Variants in CD302 observed in about 807,000 individuals in gnomAD.
The protein encoded by CD302 is CD302 antigen.
Under a neutral mutation model 26.5 loss-of-function variants are expected in CD302, and 23 were observed. The ratio of observed to expected loss-of-function variants is 0.87; its 90% CI spans 0.62 to 1.23. The LOEUF is 1.23. Among genes scored for constraint, CD302 ranks in the 50% most tolerant of loss-of-function variants. The pLI, the probability that CD302 is intolerant of heterozygous loss-of-function variation, is 0.00. For synonymous variants in CD302, 90 were observed against 99.4 expected, an observed-to-expected ratio of 0.91 and a Z score of 0.56; for missense variants, 290 against 275.5, an observed-to-expected ratio of 1.05 and a Z score of -0.37.
chr2:159,772,745 C>A (rs1315761707), intron 5 of CD302, among the ~76,000 whole-genome samples: 3 of 152,134 alleles, frequency 2.0e-5, no homozygotes, highest in Admixed American at 6.5e-5. Context: ...ATTATTTTGA[C>A]AGATTTTTTA....
At chr2:159,774,929 A>G (rs1027889659) in intron 5 of CD302, among the ~76,000 whole-genome samples, 6 of 152,136 alleles carry the variant, frequency 3.9e-5, no homozygotes, top group African/African-American at 1.4e-4. Context: ...TTTACTCCTT[A>G]AAGTCAGACT....
At chr2:159,779,725 T>C (rs1708451101) in intron 4 of CD302, among the ~76,000 whole-genome samples, 1 of 151,920 alleles carries the variant, frequency 6.6e-6, no homozygotes, top group Non-Finnish European at 1.5e-5. Context: ...CACCTCAGGC[T>C]CCCATGTATT....
intron 5 of CD302, among the ~76,000 whole-genome samples, chr2:159,776,383 TAA>T (rs1302043293): frequency 6.6e-6 from 1 of 152,164 alleles, no homozygotes; most frequent in Non-Finnish European, 1.5e-5. Flanking sequence ...GTACGGATAT[TAA>T]AGAGTCCTTG....
chr2:159,782,411 TCACAAAAAAAAAAAA>T (rs1268080830), intron 2 of CD302, among the ~76,000 whole-genome samples: 2 of 41,316 alleles, frequency 4.8e-5, no homozygotes, highest in East Asian at 5.7e-4. Context: ...AGACTCCATC[TCACAAAAAAAAAAAA>T]AAAAAAAAAA....
chr2:159,770,889 C>CTTTA lies in CD302; in HGVS notation c.*958_*961dup, dbSNP rs1043208116. On this transcript the variant is annotated 3_prime_UTR_variant, in exon 6 of 6. Transcript: ENST00000259053. The stretch of plus-strand genomic sequence containing the variant: ...CTAATTTACGTGAAATTTATACATT[C>CTTTA]TTTATCTTTCCTGTTTTTGGTTTAT... 1 of 152,072 alleles carries CTTTA rather than the reference C, an allele frequency of 6.6e-6. No homozygotes were observed. 9.4% of individuals were successfully genotyped at this position (152,072 alleles called of 1,614,324 possible).
intron 4 of CD302, among the ~76,000 whole-genome samples, chr2:159,778,370 A>T (rs1708402036): frequency 6.6e-6 from 1 of 152,260 alleles, no homozygotes; most frequent in Non-Finnish European, 1.5e-5. Flanking sequence ...TAGTTTAATT[A>T]AAAACTTTGT....
At chr2:159,774,874 T>C (rs1708263594) in intron 5 of CD302, among the ~76,000 whole-genome samples, 1 of 152,048 alleles carries the variant, frequency 6.6e-6, no homozygotes, top group African/African-American at 2.4e-5. Flanking sequence ...TACACTTAAC[T>C]GTTGGGTTGT....
chr2:159,771,619 G>A lies in CD302; in HGVS notation c.*232C>T, dbSNP rs1708148559. 1 of 427,418 alleles carries A rather than the reference G, an allele frequency of 2.3e-6. No homozygotes were observed. The highest frequency in any genetic ancestry group is 4.1e-6 in the Non-Finnish European group (1 of 242,086). The allele number at this position is 427,418 out of a possible 1,614,324, so 26.5% of individuals were successfully genotyped here. A position where few individuals can be genotyped will look rare whatever the true frequency, so the allele number is the denominator to read the frequency against. ...TTCCTTCATTCAAGTGACAGATTCT[G>A]CCTTTGACGGGATGCTTAAAATCAC... On this transcript the variant is annotated 3_prime_UTR_variant, in exon 6 of 6. Transcript: ENST00000259053.
intron 1 of CD302, among the ~76,000 whole-genome samples, chr2:159,795,056 C>T (rs1708914009): frequency 6.6e-6 from 1 of 150,978 alleles, no homozygotes; most frequent in Non-Finnish European, 1.5e-5. Flanking sequence ...AACCCCATCT[C>T]TACTAAAAAT....
intron 5 of CD302, among the ~76,000 whole-genome samples, chr2:159,775,642 AATAC>A (rs1290779841): frequency 1.3e-5 from 2 of 152,228 alleles, no homozygotes; most frequent in Non-Finnish European, 2.9e-5. Context: ...AATTTAAAGA[AATAC>A]ATGTAACAAA....
chr2:159,786,870 C>G (rs1708680599), intron 1 of CD302, among the ~76,000 whole-genome samples: 1 of 151,924 alleles, frequency 6.6e-6, no homozygotes, highest in Non-Finnish European at 1.5e-5. Context: ...GAACATTAAC[C>G]CCTTTTGCTC....
At chr2:159,777,004 C>G (rs1708354286) in intron 5 of CD302, among the ~76,000 whole-genome samples, 1 of 152,212 alleles carries the variant, frequency 6.6e-6, no homozygotes, top group Non-Finnish European at 1.5e-5. Context: ...CGCCTGTAAT[C>G]TCAGCACTTT....
intron 5 of CD302, 140 bp from the exon 6 acceptor site, chr2:159,772,193 T>G: frequency 1.1e-6 from 1 of 891,922 alleles, no homozygotes; most frequent in Non-Finnish European, 1.7e-6. Flanking sequence ...AACCAAAAAT[T>G]TCGCATTTGT....
intron 1 of CD302, among the ~76,000 whole-genome samples, chr2:159,796,845 C>T (rs11682886): frequency 0.054 from 8,174 of 152,180 alleles, 335 homozygotes; most frequent in East Asian, 0.17. Context: ...CAAGAAAATT[C>T]GACTAGCCTA....
chr2:159,774,902 T>TC (rs1411122334), intron 5 of CD302, among the ~76,000 whole-genome samples: 1 of 152,220 alleles, frequency 6.6e-6, no homozygotes, highest in African/African-American at 2.4e-5. Flanking sequence ...CTGCTTCAAC[T>TC]CCATGTTCTC....
chr2:159,784,204 T>C (rs1423316388), intron 1 of CD302, among the ~76,000 whole-genome samples: 1 of 152,064 alleles, frequency 6.6e-6, no homozygotes, highest in Non-Finnish European at 1.5e-5. Flanking sequence ...CTGGCCAAAA[T>C]GGAAAGAGAA....
chr2:159,772,997 G>A (rs1708202521), intron 5 of CD302, among the ~76,000 whole-genome samples: 1 of 152,000 alleles, frequency 6.6e-6, no homozygotes, highest in South Asian at 2.1e-4. Context: ...GTGTGAGGGT[G>A]GATTTGGTGG....
At chr2:159,790,361 C>T (rs1183334121) in intron 1 of CD302, among the ~76,000 whole-genome samples, 6 of 150,820 alleles carry the variant, frequency 4.0e-5, no homozygotes, top group African/African-American at 7.3e-5. Context: ...GAAGTTGCCA[C>T]GGATAAAAGG....
chr2:159,784,079 C>G (rs1349994737), intron 1 of CD302, among the ~76,000 whole-genome samples: 2 of 152,154 alleles, frequency 1.3e-5, no homozygotes, highest in African/African-American at 4.8e-5. Flanking sequence ...GGGACATCTC[C>G]TTCACCTCTA....
Sources: gnomAD v4.1 joint callset for allele counts (sites outside exome capture counted in the v4.1 genomes callset) on GRCh38, gnomAD v4.1.1 for gene constraint, MANE v1.5 for transcripts, NCBI Gene and HGNC (gene_info 2026-07-23, HGNC 2026-07-21) for gene names.